FAAH2: variants seen among roughly 807,000 people sequenced by gnomAD.
The protein encoded by FAAH2 is fatty acid amide hydrolase 2.
Under a neutral mutation model 36.9 loss-of-function variants are expected in FAAH2, and 60 were observed. The ratio of observed to expected loss-of-function variants is 1.63; its 90% CI spans 1.32 to 2.02. The LOEUF is 2.02. Ranked by LOEUF, FAAH2 falls within the 30% of genes most tolerant of loss-of-function variation. The pLI is 0.00. For missense variants in FAAH2, 689 were observed against 397.5 expected, an observed-to-expected ratio of 1.73 and a Z score of -6.23; for synonymous variants, 214 against 143.8, an observed-to-expected ratio of 1.49 and a Z score of -3.49.
chrX:57,420,110 T>C (rs1269110082), intron 7 of FAAH2, among the ~76,000 whole-genome samples: 2 of 112,122 alleles, frequency 1.8e-5, no homozygotes, highest in African/African-American at 3.2e-5. Flanking sequence ...CATGCTGTTT[T>C]GGTTACTGTA....
the FAAH2 span, among the ~76,000 whole-genome samples, chrX:57,172,267 A>T: frequency 9.0e-6 from 1 of 111,000 alleles, no homozygotes; most frequent in African/African-American, 3.3e-5. Context: ...TTTTAAAATT[A>T]TTTTTTCTAA....
the FAAH2 span, among the ~76,000 whole-genome samples, chrX:57,166,666 A>G: frequency 5.3e-5 from 6 of 112,477 alleles, no homozygotes; most frequent in Non-Finnish European, 9.4e-5. Flanking sequence ...CATTTCACTT[A>G]TAAAGCACAT....
At chrX:57,370,655 C>T (rs867781379) in intron 5 of FAAH2, among the ~76,000 whole-genome samples, 6 of 112,234 alleles carry the variant, frequency 5.3e-5, no homozygotes, top group Admixed American at 3.8e-4. Flanking sequence ...AGTCCATCGC[C>T]TGTTAGAAAC....
intron 8 of FAAH2, among the ~76,000 whole-genome samples, chrX:57,439,733 A>G (rs2056505116): frequency 1.8e-5 from 2 of 111,817 alleles, no homozygotes; most frequent in African/African-American, 3.3e-5. Context: ...TTATGGTTTT[A>G]GGTCTAACGT....
At chrX:57,266,358 C>A in the FAAH2 span, among the ~76,000 whole-genome samples, 1 of 111,572 alleles carries the variant, frequency 9.0e-6, no homozygotes, top group Non-Finnish European at 1.9e-5. Context: ...TCAGCATACC[C>A]AGCGACCCTA....
chrX:57,433,776 A>G (rs1485338352), intron 8 of FAAH2, among the ~76,000 whole-genome samples: 2 of 112,505 alleles, frequency 1.8e-5, no homozygotes, highest in Non-Finnish European at 3.8e-5. Flanking sequence ...CATTTGCACT[A>G]TAACATTTAT....
At chrX:57,486,835 G>A (rs1470674617) in intron 10 of FAAH2, among the ~76,000 whole-genome samples, 1 of 111,669 alleles carries the variant, frequency 9.0e-6, no homozygotes, top group Admixed American at 9.6e-5. Context: ...TCTGTTCTGT[G>A]GCTGGAGGGG....
chrX:57,331,893 C>A (rs1352727237), intron 4 of FAAH2, 86 bp downstream of exon 4: 1 of 907,803 alleles, frequency 1.1e-6, no homozygotes, highest in Admixed American at 2.6e-5. Context: ...TACAGTATAG[C>A]ATCTATGACC....
intron 5 of FAAH2, among the ~76,000 whole-genome samples, chrX:57,356,432 C>A (rs2054159382): frequency 9.0e-6 from 1 of 110,963 alleles, no homozygotes; most frequent in African/African-American, 3.3e-5. Context: ...AATTTCTTTA[C>A]TAGCTATAGG....
At chrX:57,161,773 C>T in the FAAH2 span, among the ~76,000 whole-genome samples, 2 of 111,565 alleles carry the variant, frequency 1.8e-5, no homozygotes, top group East Asian at 5.6e-4. Context: ...TGAGATGGGT[C>T]TCCTGAATAC....
the FAAH2 span, among the ~76,000 whole-genome samples, chrX:57,188,580 T>C: frequency 9.0e-6 from 1 of 110,844 alleles, no homozygotes; most frequent in East Asian, 2.8e-4. Context: ...ATCTTAGTTA[T>C]TTCTCGTCTT....
At chrX:57,410,042 G>A (rs1424116871) in intron 7 of FAAH2, among the ~76,000 whole-genome samples, 1 of 110,297 alleles carries the variant, frequency 9.1e-6, no homozygotes, top group Admixed American at 9.7e-5. Context: ...AACAGCTTTT[G>A]CTACAACTCA....
chrX:57,182,655 CT>C, the FAAH2 span, among the ~76,000 whole-genome samples: 1 of 111,286 alleles, frequency 9.0e-6, no homozygotes, highest in Non-Finnish European at 1.9e-5. Flanking sequence ...CCTCAAAGAG[CT>C]TAATATAGAC....
At chrX:57,465,355 C>G (rs998950996) in intron 10 of FAAH2, among the ~76,000 whole-genome samples, 1 of 111,214 alleles carries the variant, frequency 9.0e-6, no homozygotes, top group East Asian at 2.8e-4. Flanking sequence ...GACATTATAT[C>G]TGAAAATGTG....
At chrX:57,387,080 A>G (rs377306286) in intron 7 of FAAH2, among the ~76,000 whole-genome samples, 49 of 111,999 alleles carry the variant, frequency 4.4e-4, no homozygotes, top group African/African-American at 1.5e-3. Context: ...GAGAAATTTT[A>G]TAACCTAAAT....
rs534960499 is a variant in FAAH2 at position 57,354,546 on chromosome X, C to A, written c.742+13156C>A. On this transcript the variant is annotated intron_variant, in intron 5 of 10. Transcript: ENST00000374900. ...GACTGTTATGTAACCTGTGCATATACCAAAACTGCACATACATCTCATAAA... is the reference window on the plus strand; with the variant it reads ...GACTGTTATGTAACCTGTGCATATAACAAAACTGCACATACATCTCATAAA... Among the ~76,000 whole-genome samples the A allele has an allele frequency of 5.4e-5, 6 of 110,126 alleles. No individual in the cohort carries two copies. The South Asian group carries it at 2.3e-3, about 42-fold the overall frequency.
the FAAH2 span, among the ~76,000 whole-genome samples, chrX:57,183,455 A>G: frequency 8.9e-6 from 1 of 111,909 alleles, no homozygotes; most frequent in African/African-American, 3.2e-5. Context: ...GAAATCTATC[A>G]GCAATATTAA....
At chrX:57,217,157 C>T in the FAAH2 span, among the ~76,000 whole-genome samples, 3 of 108,347 alleles carry the variant, frequency 2.8e-5, no homozygotes, top group Non-Finnish European at 5.7e-5. Context: ...TGTTTGAGTT[C>T]GTTGTAGAGT....
Position 57,331,774 on chromosome X carries a change from TATG to T in FAAH2, c.592_594del (p.Asp198del). ...GATCTATGGCCGATCAAACAACCCA[TATG>T]ATTTACAGCATATTGTAGGTGGAAG... On this transcript the variant is annotated inframe_deletion, in exon 4 of 11. Transcript: ENST00000374900. 1 of 1,211,590 alleles carries T rather than the reference TATG, an allele frequency of 8.3e-7. No individual in the cohort carries two copies. Among genetic ancestry groups the T allele is most frequent in the South Asian group, 1.8e-5 (1 of 57,004 alleles).
Sources: gnomAD v4.1 joint callset for allele counts (sites outside exome capture counted in the v4.1 genomes callset) on GRCh38, gnomAD v4.1.1 for gene constraint, MANE v1.5 for transcripts, NCBI Gene and HGNC (gene_info 2026-07-23, HGNC 2026-07-21) for gene names.